Variants in FLT1 observed in about 807,000 individuals in gnomAD.
FLT1 encodes the protein fms related receptor tyrosine kinase 1, also known as vascular endothelial growth factor receptor 1.
In FLT1, 49 loss-of-function variants were observed where a neutral mutation model predicts 156.3. The ratio of observed to expected loss-of-function variants is 0.31; its 90% CI spans 0.25 to 0.40. The LOEUF (loss-of-function observed/expected upper bound fraction) is 0.40. FLT1 is among the 10% of genes least tolerant of loss of function. FLT1 has a pLI of 1.00. For missense variants in FLT1, 1,322 were observed against 1,637.2 expected (o/e 0.81, Z 3.32); for synonymous variants, 594 against 583.8 (o/e 1.02, Z -0.25).
chr13:28,410,817 T>A (rs552283380), intron 10 of FLT1, among the ~76,000 whole-genome samples: 1 of 152,282 alleles, frequency 6.6e-6, no homozygotes, highest in East Asian at 1.9e-4. Context: ...AAACTGAGAC[T>A]CAGAAAAATC....
At chr13:28,413,140 G>A (rs1876417364) in intron 10 of FLT1, among the ~76,000 whole-genome samples, 1 of 152,110 alleles carries the variant, frequency 6.6e-6, no homozygotes, top group African/African-American at 2.4e-5. Flanking sequence ...GGGGTTGTGG[G>A]CTTTGGGTCG....
chr13:28,446,983 T>TTC (rs1878649899), intron 3 of FLT1, among the ~76,000 whole-genome samples: 2 of 152,126 alleles, frequency 1.3e-5, no homozygotes, highest in Non-Finnish European at 2.9e-5. Flanking sequence ...TGAACCCATG[T>TTC]GTCTATGGCC....
intron 28 of FLT1, among the ~76,000 whole-genome samples, chr13:28,308,068 G>A (rs995346661): frequency 3.3e-5 from 5 of 152,130 alleles, no homozygotes; most frequent in Non-Finnish European, 7.3e-5. Context: ...CACTGCGCCC[G>A]GCCTCACCAG....
chr13:28,388,409 G>A (rs1311973968), intron 13 of FLT1: 1 of 1,055,618 alleles, frequency 9.5e-7, no homozygotes, highest in African/African-American at 1.6e-5. Context: ...CTATTGAACT[G>A]CCCAGCCACT....
rs56071338 is a variant in FLT1, at chr13:28,339,301, C to T, written c.2356-1G>A. On this transcript the variant is annotated splice_acceptor_variant, in intron 16 of 29. Coordinates refer to ENST00000282397, the MANE Select transcript of FLT1 (RefSeq NM_002019.4). LOFTEE classifies it high-confidence loss of function. Reference sequence around the variant, plus strand: ...AGTCAGTCTTTATTTCAGAAGAAGACTGAGAAATAAAGAGATCTCAAAGTC... The same window carrying T: ...AGTCAGTCTTTATTTCAGAAGAAGATTGAGAAATAAAGAGATCTCAAAGTC... 1.2e-6 allele frequency: 2 copies of T among 1,612,988 alleles called. No homozygotes were observed. Among genetic ancestry groups the T allele is most frequent in the Non-Finnish European group, 1.7e-6 (2 of 1,179,382 alleles).
At chr13:28,490,212 G>T (rs956351699) in intron 1 of FLT1, among the ~76,000 whole-genome samples, 1 of 152,104 alleles carries the variant, frequency 6.6e-6, no homozygotes, top group Admixed American at 6.6e-5. Flanking sequence ...CTCTTACAAC[G>T]TGTGTGTGTA....
chr13:28,346,183 A>ATAC, intron 15 of FLT1: 1 of 152,996 alleles, frequency 6.5e-6, no homozygotes, highest in Non-Finnish European at 1.5e-5. Flanking sequence ...GAGATAGAAG[A>ATAC]GGCAATTGCT....
At chr13:28,333,376 CAT>C (rs150192770) in intron 18 of FLT1, among the ~76,000 whole-genome samples, 1,604 of 152,248 alleles carry the variant, frequency 0.011, 26 homozygotes, top group African/African-American at 0.037. Flanking sequence ...GTCTTTGAGA[CAT>C]GTGGTTTACA....
At chr13:28,407,172 G>A (rs1042531575) in intron 10 of FLT1, among the ~76,000 whole-genome samples, 1 of 152,038 alleles carries the variant, frequency 6.6e-6, no homozygotes, top group African/African-American at 2.4e-5. Flanking sequence ...TGCCGTCGGC[G>A]CCCCATAAAC....
chr13:28,335,039 G>C (rs557540167), intron 17 of FLT1, among the ~76,000 whole-genome samples: 1 of 152,112 alleles, frequency 6.6e-6, no homozygotes, highest in Non-Finnish European at 1.5e-5. Context: ...GTAACTAGAG[G>C]GGCCCATGGG....
At chr13:28,332,727 C>T (rs1871978778) in intron 18 of FLT1, among the ~76,000 whole-genome samples, 1 of 152,218 alleles carries the variant, frequency 6.6e-6, no homozygotes, top group African/African-American at 2.4e-5. Flanking sequence ...CATGTTTCCT[C>T]ATCTGCAAAC....
chr13:28,308,783 G>T, intron 28 of FLT1, 60 bp downstream of exon 28: 2 of 1,020,872 alleles, frequency 2.0e-6, no homozygotes, highest in East Asian at 2.4e-5. Context: ...TTGGTGTTTG[G>T]AAGGGATCTG....
intron 14 of FLT1, among the ~76,000 whole-genome samples, chr13:28,357,889 T>TTTC (rs1491354372): frequency 0.057 from 8,224 of 145,128 alleles, 327 homozygotes; most frequent in South Asian, 0.11. Flanking sequence ...TTTTTTTTTT[T>TTTC]CTGCAGGCTT....
chr13:28,311,480 TTC>T, intron 27 of FLT1, 108 bp downstream of exon 27: 1 of 955,994 alleles, frequency 1.0e-6, no homozygotes, highest in Middle Eastern at 3.3e-4. Context: ...CTCTCTTTCT[TTC>T]TTTCTCTCTT....
chr13:28,368,391 A>T, intron 14 of FLT1: 5 of 1,224,526 alleles, frequency 4.1e-6, no homozygotes. Context: ...ACCTCAAATG[A>T]TCCACCTGCC....
chr13:28,380,722 T>G (rs1011279803), intron 14 of FLT1, among the ~76,000 whole-genome samples: 2 of 152,100 alleles, frequency 1.3e-5, no homozygotes, highest in Non-Finnish European at 2.9e-5. Context: ...TATTTTGTTT[T>G]AGGGTTGTTT....
intron 1 of FLT1, among the ~76,000 whole-genome samples, chr13:28,473,698 AAAAGAAAGAAAG>A (rs1351953423): frequency 2.0e-5 from 2 of 102,104 alleles, no homozygotes; most frequent in African/African-American, 7.3e-5. Flanking sequence ...AGAGAGAAAG[AAAAGAAAGAAAG>A]AAAGAAAGAA....
chr13:28,342,787 C>T (rs963861632), intron 16 of FLT1, among the ~76,000 whole-genome samples: 4 of 152,128 alleles, frequency 2.6e-5, no homozygotes, highest in Admixed American at 1.3e-4. Context: ...TATTGACATA[C>T]TACATAAAGA....
intron 15 of FLT1, chr13:28,346,357 G>C (rs1343825073): frequency 6.6e-6 from 1 of 152,230 alleles, no homozygotes; most frequent in East Asian, 1.9e-4. Flanking sequence ...GGCCAGAACA[G>C]TATTGATTCT....
Sources: gnomAD v4.1 joint callset for allele counts (sites outside exome capture counted in the v4.1 genomes callset) on GRCh38, gnomAD v4.1.1 for gene constraint, MANE v1.5 for transcripts, NCBI Gene and HGNC (gene_info 2026-07-23, HGNC 2026-07-21) for gene names.